Variants in LYPLAL1 observed in about 807,000 individuals in gnomAD.
LYPLAL1 encodes lysophospholipase like 1, also known as lysophospholipase-like protein 1.
In LYPLAL1, 23 loss-of-function variants were observed where a neutral mutation model predicts 19.7. The ratio of observed to expected loss-of-function variants is 1.17; its 90% CI spans 0.84 to 1.65. The LOEUF is 1.65. Ranked by LOEUF, LYPLAL1 falls within the 40% of genes most tolerant of loss-of-function variation. The pLI is 0.00. For missense variants in LYPLAL1, 355 were observed against 279.4 expected (o/e 1.27, Z -1.93); for synonymous variants, 119 against 96.3 (o/e 1.24, Z -1.38).
the LYPLAL1 span, among the ~76,000 whole-genome samples, chr1:219,336,960 G>A: frequency 1.3e-4 from 20 of 152,078 alleles, no homozygotes; most frequent in South Asian, 2.1e-4. Context: ...GAATCAGGTT[G>A]TCAGCGGGGC....
the LYPLAL1 span, among the ~76,000 whole-genome samples, chr1:219,296,386 G>A: frequency 2.6e-5 from 4 of 152,086 alleles, no homozygotes; most frequent in African/African-American, 9.7e-5. Flanking sequence ...TAATATGGCT[G>A]GGCATCCAGT....
the LYPLAL1 span, among the ~76,000 whole-genome samples, chr1:219,286,557 G>A: frequency 6.6e-6 from 1 of 152,144 alleles, no homozygotes; most frequent in Non-Finnish European, 1.5e-5. Flanking sequence ...ATGCATTCTA[G>A]CAAATTAGGA....
the LYPLAL1 span, among the ~76,000 whole-genome samples, chr1:219,309,963 G>T: frequency 6.6e-6 from 1 of 152,162 alleles, no homozygotes; most frequent in African/African-American, 2.4e-5. Context: ...TACTTAAGTT[G>T]CCCTCATTGA....
At chr1:219,314,775 G>A in the LYPLAL1 span, among the ~76,000 whole-genome samples, 1 of 152,200 alleles carries the variant, frequency 6.6e-6, no homozygotes, top group Non-Finnish European at 1.5e-5. Context: ...ATAATATATT[G>A]TGAATCTTGA....
At chr1:219,422,858 A>G in the LYPLAL1 span, among the ~76,000 whole-genome samples, 2 of 152,106 alleles carry the variant, frequency 1.3e-5, no homozygotes, top group Non-Finnish European at 2.9e-5. Flanking sequence ...AGTAACATAA[A>G]TGTTGCTGTA....
At chr1:219,373,825 G>A in the LYPLAL1 span, among the ~76,000 whole-genome samples, 5 of 127,044 alleles carry the variant, frequency 3.9e-5, no homozygotes, top group African/African-American at 1.5e-4. Flanking sequence ...GTTTCAAAGA[G>A]ATTTGCAGCA....
chr1:219,218,518 G>A, the LYPLAL1 span, among the ~76,000 whole-genome samples: 2 of 150,392 alleles, frequency 1.3e-5, no homozygotes, highest in African/African-American at 4.9e-5. Flanking sequence ...TTTTTTTTAG[G>A]TCATTAGCTA....
chr1:219,216,823 G>T (rs925369646), downstream of LYPLAL1, among the ~76,000 whole-genome samples: 1 of 148,836 alleles, frequency 6.7e-6, no homozygotes, highest in Non-Finnish European at 1.5e-5. Flanking sequence ...TCTGAAAACT[G>T]ATACAGACAG....
the LYPLAL1 span, among the ~76,000 whole-genome samples, chr1:219,344,379 C>T: frequency 5.3e-5 from 8 of 152,176 alleles, no homozygotes; most frequent in African/African-American, 1.7e-4. Flanking sequence ...CCTTCTCTTT[C>T]CAAACTCTTT....
chr1:219,419,521 C>T, the LYPLAL1 span, among the ~76,000 whole-genome samples: 2 of 140,902 alleles, frequency 1.4e-5, no homozygotes, highest in African/African-American at 2.6e-5. Context: ...TGCTCTGGTT[C>T]CTCTTTGGGT....
the LYPLAL1 span, among the ~76,000 whole-genome samples, chr1:219,312,611 C>G: frequency 5.3e-5 from 8 of 152,240 alleles, no homozygotes; most frequent in East Asian, 1.5e-3. Flanking sequence ...TTCAAGAGTA[C>G]TATCATGAAA....
chr1:219,308,010 G>A, the LYPLAL1 span, among the ~76,000 whole-genome samples: 1 of 152,186 alleles, frequency 6.6e-6, no homozygotes, highest in African/African-American at 2.4e-5. Flanking sequence ...CTAGAGACTT[G>A]TTGAATGGCT....
At chr1:219,249,099 C>T in the LYPLAL1 span, among the ~76,000 whole-genome samples, 2 of 151,970 alleles carry the variant, frequency 1.3e-5, no homozygotes, top group Admixed American at 6.6e-5. Flanking sequence ...GGATATCTCA[C>T]AATGAAACCA....
At chr1:219,327,686 C>T in the LYPLAL1 span, among the ~76,000 whole-genome samples, 38 of 152,266 alleles carry the variant, frequency 2.5e-4, no homozygotes, top group African/African-American at 9.1e-4. Flanking sequence ...AACTGTAGCT[C>T]CCACAATTCC....
chr1:219,203,712 G>C (rs913235852), intron 3 of LYPLAL1, among the ~76,000 whole-genome samples: 2 of 152,136 alleles, frequency 1.3e-5, no homozygotes, highest in Non-Finnish European at 2.9e-5. Flanking sequence ...CCAAATCCTA[G>C]TATCATTGAA....
the LYPLAL1 span, among the ~76,000 whole-genome samples, chr1:219,376,416 C>T: frequency 6.6e-6 from 1 of 151,998 alleles, no homozygotes; most frequent in Non-Finnish European, 1.5e-5. Context: ...TTATGACATA[C>T]CTTAGCAGTG....
the LYPLAL1 span, among the ~76,000 whole-genome samples, chr1:219,225,746 T>C: frequency 6.6e-6 from 1 of 152,198 alleles, no homozygotes; most frequent in Non-Finnish European, 1.5e-5. Context: ...TCAAATTCTT[T>C]AGCTCAGCAG....
chr1:219,258,699 ATTAC>A, the LYPLAL1 span, among the ~76,000 whole-genome samples: 2 of 151,936 alleles, frequency 1.3e-5, no homozygotes, highest in East Asian at 3.9e-4. Context: ...TCTTTACTAT[ATTAC>A]TTCTTCTTTC....
chr1:219,436,357 G>A, the LYPLAL1 span, among the ~76,000 whole-genome samples: 1 of 152,128 alleles, frequency 6.6e-6, no homozygotes, highest in African/African-American at 2.4e-5. Flanking sequence ...GACTGTGTTG[G>A]TATAGAAATA....
Sources: gnomAD v4.1 joint callset for allele counts (sites outside exome capture counted in the v4.1 genomes callset) on GRCh38, gnomAD v4.1.1 for gene constraint, MANE v1.5 for transcripts, NCBI Gene and HGNC (gene_info 2026-07-23, HGNC 2026-07-21) for gene names.